Variants in PRKCA observed in about 807,000 individuals in gnomAD.
PRKCA encodes protein kinase C alpha.
PRKCA carries 27 observed loss-of-function variants against 87.0 expected under a neutral mutation model. The ratio of observed to expected loss-of-function variants is 0.31; its 90% CI spans 0.23 to 0.43. The LOEUF (loss-of-function observed/expected upper bound fraction) is 0.43, where lower values mean the gene tolerates loss of function less well. Ranked by LOEUF, PRKCA falls within the 20% of genes least tolerant of loss-of-function variation. PRKCA has a pLI of 1.00. For synonymous variants in PRKCA, 329 were observed against 311.1 expected (o/e 1.06, Z -0.61); for missense variants, 518 against 852.3 (o/e 0.61, Z 4.88).
At chr17:66,552,600 C>T (rs1490643824) in intron 3 of PRKCA, among the ~76,000 whole-genome samples, 1 of 152,204 alleles carries the variant, frequency 6.6e-6, no homozygotes, top group East Asian at 1.9e-4. Context: ...CAGTTCCTTG[C>T]CCCATGGGCT....
chr17:66,794,701 A>C (rs775589856), intron 16 of PRKCA, among the ~76,000 whole-genome samples: 23 of 150,418 alleles, frequency 1.5e-4, no homozygotes, highest in Non-Finnish European at 2.5e-4. Flanking sequence ...GCTCACTGCA[A>C]CCTCCACCTC....
chr17:66,559,479 CAAAAAAAAAAA>C (rs34998780), intron 3 of PRKCA, among the ~76,000 whole-genome samples: 4 of 36,688 alleles, frequency 1.1e-4, no homozygotes, highest in East Asian at 2.4e-3. Context: ...TCTGTCTCAC[CAAAAAAAAAAA>C]AAAAAAAAAA....
At chr17:66,537,845 A>T (rs1413997382) in intron 3 of PRKCA, among the ~76,000 whole-genome samples, 1 of 152,018 alleles carries the variant, frequency 6.6e-6, no homozygotes, top group Non-Finnish European at 1.5e-5. Context: ...TTGCTCTGTC[A>T]CCCAGGCTGG....
At chr17:66,653,650 A>G (rs1598847686) in intron 5 of PRKCA, among the ~76,000 whole-genome samples, 1 of 152,156 alleles carries the variant, frequency 6.6e-6, no homozygotes, top group African/African-American at 2.4e-5. Flanking sequence ...GTATAAATAA[A>G]CATCAAGGAG....
At chr17:66,674,097 G>A (rs180828852) in intron 5 of PRKCA, among the ~76,000 whole-genome samples, 2 of 152,324 alleles carry the variant, frequency 1.3e-5, no homozygotes, top group East Asian at 1.9e-4. Flanking sequence ...AATCCAATGA[G>A]CGCAGATTTT....
chr17:66,608,612 C>T (rs1291282592), intron 3 of PRKCA, among the ~76,000 whole-genome samples: 2 of 152,092 alleles, frequency 1.3e-5, no homozygotes, highest in Non-Finnish European at 2.9e-5. Flanking sequence ...CACTGGTTTC[C>T]AAACCTGACT....
chr17:66,495,870 G>A (rs927524792), intron 2 of PRKCA, among the ~76,000 whole-genome samples: 3 of 152,052 alleles, frequency 2.0e-5, no homozygotes, highest in African/African-American at 7.2e-5. Context: ...TGCCCGGCTA[G>A]GATGGTGCAA....
intron 1 of PRKCA, among the ~76,000 whole-genome samples, chr17:66,303,353 G>C (rs1043591191): frequency 6.6e-6 from 1 of 152,192 alleles, no homozygotes; most frequent in Non-Finnish European, 1.5e-5. Context: ...GCCGCTTGCC[G>C]GGGTGTGAGC....
At chr17:66,511,914 C>G (rs1255287599) in intron 3 of PRKCA, among the ~76,000 whole-genome samples, 1 of 151,990 alleles carries the variant, frequency 6.6e-6, no homozygotes, top group Non-Finnish European at 1.5e-5. Flanking sequence ...CTCCTGATCT[C>G]GGGTGTTCTA....
intron 13 of PRKCA, among the ~76,000 whole-genome samples, chr17:66,754,729 GAT>G: frequency 6.6e-6 from 1 of 152,214 alleles, no homozygotes. Flanking sequence ...GGGCCAAGTC[GAT>G]TAGATGATGT....
intron 2 of PRKCA, among the ~76,000 whole-genome samples, chr17:66,424,999 C>T (rs149538765): frequency 2.2e-3 from 329 of 152,164 alleles, no homozygotes; most frequent in African/African-American, 7.5e-3. Flanking sequence ...TGGGCTCCAG[C>T]GATCCACCCT....
In PRKCA at chr17:66,462,677, A is replaced by G. The variant is rs79803689; in HGVS notation, c.206-33524A>G. On this transcript the variant is annotated intron_variant, in intron 2 of 16. Coordinates refer to ENST00000413366, the MANE Select transcript of PRKCA (RefSeq NM_002737.3). ...AGCCATGATATAGGTCTTCCCCACC[A>G]ATGGTGGCAGCTTCTTTAGAGGCAA... Among the ~76,000 whole-genome samples the G allele has an allele frequency of 6.9e-3, 1,045 of 152,228 alleles. 7 individuals carry two copies. The highest frequency in any genetic ancestry group is 0.01 in the Admixed American group (153 of 15,292).
rs141608961 is a variant in PRKCA at position 66,354,445 on chromosome 17, C to T, written c.205+48318C>T. Among the ~76,000 whole-genome samples, 25 of 152,266 alleles carry T rather than the reference C, an allele frequency of 1.6e-4. No homozygotes were observed. The South Asian group carries it at 1.9e-3, about 11-fold the overall frequency. ...TGGATGAATGGTGGCCATTCTGAAA[C>T]GGCTTTGTAGGATCTAAGCTGTGTT... On this transcript the variant is annotated intron_variant, in intron 2 of 16. Coordinates refer to ENST00000413366, the MANE Select transcript of PRKCA (RefSeq NM_002737.3).
intron 5 of PRKCA, among the ~76,000 whole-genome samples, chr17:66,671,950 C>T (rs1972198448): frequency 6.6e-6 from 1 of 152,256 alleles, no homozygotes; most frequent in Middle Eastern, 3.4e-3. Flanking sequence ...GTTGTCTAAA[C>T]ATTTGGAGGA....
intron 2 of PRKCA, among the ~76,000 whole-genome samples, chr17:66,432,164 G>C (rs1913132976): frequency 6.6e-6 from 1 of 152,140 alleles, no homozygotes; most frequent in Non-Finnish European, 1.5e-5. Flanking sequence ...GCAAAGCTGG[G>C]AGCCGATCTT....
chr17:66,436,582 A>G (rs1172687210), intron 2 of PRKCA, among the ~76,000 whole-genome samples: 2 of 152,184 alleles, frequency 1.3e-5, no homozygotes, highest in East Asian at 3.8e-4. Context: ...TATGGGAGTG[A>G]GGATAAGTCT....
intron 13 of PRKCA, among the ~76,000 whole-genome samples, chr17:66,743,607 A>G (rs989662592): frequency 2.0e-5 from 3 of 152,136 alleles, no homozygotes; most frequent in Admixed American, 1.3e-4. Context: ...CCACATGCCA[A>G]TGATAGAATG....
intron 2 of PRKCA, chr17:66,398,053 T>C (rs1246246506): frequency 6.6e-6 from 1 of 152,202 alleles, no homozygotes; most frequent in Non-Finnish European, 1.5e-5. Flanking sequence ...CCTATGTCAA[T>C]GTACATGGCA....
intron 2 of PRKCA, among the ~76,000 whole-genome samples, chr17:66,359,505 A>G (rs762673234): frequency 2.0e-5 from 3 of 152,218 alleles, no homozygotes; most frequent in Non-Finnish European, 4.4e-5. Flanking sequence ...GGCCTCATTT[A>G]TAGAAGAATT....
Sources: gnomAD v4.1 joint callset for allele counts (sites outside exome capture counted in the v4.1 genomes callset) on GRCh38, gnomAD v4.1.1 for gene constraint, MANE v1.5 for transcripts, NCBI Gene and HGNC (gene_info 2026-07-23, HGNC 2026-07-21) for gene names.